RGS11: variants seen among roughly 807,000 people sequenced by gnomAD.
The protein encoded by RGS11 is regulator of G protein signaling 11, also known as regulator of G-protein signaling 11.
Under a neutral mutation model 71.1 loss-of-function variants are expected in RGS11, and 86 were observed. That is an observed-to-expected ratio of 1.21 (90% CI 1.02 to 1.45). RGS11 has a LOEUF of 1.45. Among genes scored for constraint, RGS11 ranks in the 40% most tolerant of loss-of-function variants. RGS11 has a pLI of 0.00. For missense variants in RGS11, 734 were observed against 635.1 expected, an observed-to-expected ratio of 1.16 and a Z score of -1.67; for synonymous variants, 298 against 254.2, an observed-to-expected ratio of 1.17 and a Z score of -1.64.
intron 1 of RGS11, 48 bp downstream of exon 1, chr16:275,801 C>T (rs761465306): frequency 1.3e-6 from 1 of 779,456 alleles, no homozygotes; most frequent in South Asian, 4.5e-5. Context: ...CTCCCGGCCT[C>T]GGGCGCCGGG....
chr16:275,586 G>GC, intron 1 of RGS11, 88 bp from the exon 2 acceptor site: 6 of 1,186,732 alleles, frequency 5.1e-6, no homozygotes, highest in Non-Finnish European at 5.8e-6. Flanking sequence ...ATCCGGGAGC[G>GC]CGGAGATTAA....
intron 15 of RGS11, among the ~76,000 whole-genome samples, chr16:270,206 G>A (rs7499760): frequency 0.23 from 34,511 of 151,446 alleles, 7,153 homozygotes; most frequent in African/African-American, 0.54. Context: ...CCGAGATCCC[G>A]CCACTGCACT....
chr16:273,045 G>A, intron 8 of RGS11, 114 bp from the exon 9 acceptor site: 1 of 1,019,642 alleles, frequency 9.8e-7, no homozygotes, highest in Non-Finnish European at 1.4e-6. Flanking sequence ...AAGGAACTCG[G>A]GAAGAGTCCC....
intron 4 of RGS11, 138 bp downstream of exon 4, chr16:274,838 C>G: frequency 8.2e-7 from 1 of 1,219,450 alleles, no homozygotes; most frequent in African/African-American, 1.5e-5. Flanking sequence ...GGGCGATGGA[C>G]CACCAGCCCA....
At position 271,385 on chromosome 16, in the gene RGS11, C is replaced by G. The variant is rs765661748; in HGVS notation, c.749+14G>C. 1.2e-6 allele frequency: 2 copies of G among 1,613,400 alleles called. No homozygotes were observed. The highest frequency in any genetic ancestry group is 1.7e-6 in the Non-Finnish European group (2 of 1,179,988). On this transcript the variant is annotated intron_variant, in intron 11 of 16. Transcript: ENST00000397770. The stretch of plus-strand genomic sequence containing the variant: ...CAGCAGGGGTCTCCAGCTGCCACCC[C>G]TCACCCCACTCACGCCTCAAGGCAG...
intron 4 of RGS11, chr16:274,737 C>A: frequency 1.4e-6 from 1 of 705,316 alleles, no homozygotes; most frequent in Non-Finnish European, 2.6e-6. Context: ...TTGTGGGGCC[C>A]TGCTGTGGTC....
chr16:268,688 C>A lies in RGS11; in HGVS notation c.*581G>T. ...GCACCTGTGGACAAATTCTGGAACG[C>A]GTTTGGCGAGGGAGGAATAGGCGCA... On this transcript the variant is annotated 3_prime_UTR_variant, in exon 17 of 17. Transcript: ENST00000397770. The A allele has an allele frequency of 2.2e-6, 3 of 1,392,792 alleles. No homozygotes were observed. Among genetic ancestry groups the A allele is most frequent in the Non-Finnish European group, 2.9e-6 (3 of 1,019,818 alleles). 86.3% of individuals were successfully genotyped at this position (1,392,792 alleles called of 1,614,324 possible).
chr16:270,498 C>A (rs764039369), intron 15 of RGS11, 25 bp downstream of exon 15: 1 of 1,584,960 alleles, frequency 6.3e-7, no homozygotes, highest in East Asian at 2.3e-5. Flanking sequence ...CCCCTCCTGC[C>A]CCTGCAGGCT....
chr16:271,777 CTGTGGAATAT>C, intron 9 of RGS11: 1 of 598,334 alleles, frequency 1.7e-6, no homozygotes, highest in East Asian at 2.8e-5. Context: ...GTCTGGCGAT[CTGTGGAATAT>C]TCCACGGAAC....
chr16:269,921 T>TA (rs59094788), intron 15 of RGS11: 14,656 of 245,520 alleles, frequency 0.06, 2,022 homozygotes, highest in African/African-American at 0.3. Context: ...TGGAGTCAAA[T>TA]AAAAAAACAA....
At chr16:274,375 C>G (rs2052073565) in intron 4 of RGS11, 110 bp from the exon 5 acceptor site, 2 of 1,186,262 alleles carry the variant, frequency 1.7e-6, no homozygotes, top group Non-Finnish European at 2.4e-6. Flanking sequence ...CAGGAGGTGT[C>G]TGAGGATCTC....
intron 4 of RGS11, 70 bp from the exon 5 acceptor site, chr16:274,335 A>G: frequency 6.6e-7 from 1 of 1,519,232 alleles, no homozygotes; most frequent in African/African-American, 1.4e-5. Flanking sequence ...CCCCACCCTC[A>G]GACCTCCCTG....
chr16:268,568 A>C lies in RGS11; in HGVS notation c.*701T>G. ...GGGACGCCTGGCAAGGATCCACCCT[A>C]TGGAATCGGGCCTCGTCAGTGGGGT... On this transcript the variant is annotated 3_prime_UTR_variant, in exon 17 of 17. Transcript: ENST00000397770. 1 of 595,908 alleles carries C rather than the reference A, an allele frequency of 1.7e-6. No individual in the cohort carries two copies. 36.9% of individuals were successfully genotyped at this position (595,908 alleles called of 1,614,324 possible).
chr16:270,550 C>A lies in RGS11; in HGVS notation c.1179G>T (p.Gln393His). The A allele has an allele frequency of 6.2e-7, 1 of 1,608,650 alleles. No homozygotes were observed. Among genetic ancestry groups the A allele is most frequent in the Non-Finnish European group, 8.5e-7 (1 of 1,178,050 alleles). The change falls in exon 15 of 17, where the codon CAG becomes CAT. Residue 393 changes from glutamine to histidine, a missense_variant. Coordinates refer to ENST00000397770, the MANE Select transcript of RGS11 (RefSeq NM_183337.3). ...QPHRYVLDDA[Q>H]LHIYMLMKKD... The stretch of plus-strand genomic sequence containing the variant: ...TCTTCATGAGCATGTATATGTGCAG[C>A]TGGGCGTCATCCAGGACATAGCGGT...
intron 1 of RGS11, 34 bp from the exon 2 acceptor site, chr16:275,532 C>T (rs751109278): frequency 5.4e-6 from 8 of 1,488,406 alleles, no homozygotes; most frequent in Admixed American, 3.9e-5. Context: ...GGTGTCTGGC[C>T]GCCCCGCAAC....
Position 273,566 on chromosome 16 carries a change from G to A in RGS11, c.507-10C>T, listed in dbSNP as rs1213415364. ...GCGCTGCTTGGCTGCCCTGGGAGGAGGAGGCCGAGTTGAGGGCACGCCCTG... is the reference window on the plus strand; with the variant it reads ...GCGCTGCTTGGCTGCCCTGGGAGGAAGAGGCCGAGTTGAGGGCACGCCCTG... On this transcript the variant is annotated splice_polypyrimidine_tract_variant and intron_variant, in intron 7 of 16. Transcript: ENST00000397770. 3 of 1,558,404 alleles carry A rather than the reference G, an allele frequency of 1.9e-6. No homozygotes were observed. The highest frequency in any genetic ancestry group is 2.6e-6 in the Non-Finnish European group (3 of 1,151,530).
At chr16:269,845 ACCT>A (rs1353537531) in intron 15 of RGS11, 7 of 434,874 alleles carry the variant, frequency 1.6e-5, no homozygotes, top group Admixed American at 1.6e-4. Context: ...AAACCGCGGC[ACCT>A]CCTCAGCCAT....
Position 271,506 on chromosome 16 carries a change from C to T in RGS11, c.687+34G>A. 2.5e-6 allele frequency: 4 copies of T among 1,614,002 alleles called. No individual in the cohort carries two copies. The Middle Eastern group carries it at 6.6e-4, about 266-fold the overall frequency. On this transcript the variant is annotated intron_variant, in intron 10 of 16. Coordinates refer to ENST00000397770, the MANE Select transcript of RGS11 (RefSeq NM_183337.3). ...GTCAGGTCCCGGGCTGGGGAAGGCA[C>T]CTGGCACCCTCCACTCCCAGCTCCA... is the stretch of plus-strand genomic sequence containing the variant.
Position 270,603 on chromosome 16 carries a change from G to T in RGS11, c.1126C>A (p.Gln376Lys). ...WVNIDSRTME[Q>K]TLEGLRQPHR... ...GGCTGGCGCAGCCCCTCCAGGGTCTGCTCCATGGTCCGGCTGTCGATGTTG... is the reference window on the plus strand; with the variant it reads ...GGCTGGCGCAGCCCCTCCAGGGTCTTCTCCATGGTCCGGCTGTCGATGTTG... Residue 376 changes from glutamine to lysine, a missense_variant, in exon 15 of 17, where the codon CAG (glutamine) becomes AAG (lysine). Coordinates refer to ENST00000397770, the MANE Select transcript of RGS11 (RefSeq NM_183337.3). 2 of 1,608,036 alleles carry T rather than the reference G, an allele frequency of 1.2e-6. No individual in the cohort carries two copies.
Sources: gnomAD v4.1 joint callset for allele counts (sites outside exome capture counted in the v4.1 genomes callset) on GRCh38, gnomAD v4.1.1 for gene constraint, MANE v1.5 for transcripts, NCBI Gene and HGNC (gene_info 2026-07-23, HGNC 2026-07-21) for gene names.